The following RPA1 variants were observed in gnomAD, a reference collection of about 807,000 sequenced individuals.
RPA1 encodes replication protein A1.
Under a neutral mutation model 83.0 loss-of-function variants are expected in RPA1, and 49 were observed. The ratio of observed to expected loss-of-function variants is 0.59; its 90% CI spans 0.47 to 0.75. RPA1 has a LOEUF of 0.75. RPA1 is among the 30% of genes least tolerant of loss of function. The pLI, the probability that RPA1 is intolerant of heterozygous loss-of-function variation, is 0.00. For synonymous variants in RPA1, 279 were observed against 281.8 expected (o/e 0.99, Z 0.10); for missense variants, 693 against 776.1 (o/e 0.89, Z 1.27).
chr17:1,842,933 A>AT, intron 2 of RPA1, 80 bp downstream of exon 2: 3 of 1,476,752 alleles, frequency 2.0e-6, no homozygotes, highest in Non-Finnish European at 2.8e-6. Context: ...TGAAGGACAG[A>AT]CAGATTTGTC....
intron 16 of RPA1, among the ~76,000 whole-genome samples, chr17:1,895,976 G>A (rs1475373446): frequency 3.9e-5 from 6 of 151,950 alleles, no homozygotes; most frequent in South Asian, 2.1e-4. Flanking sequence ...GAGCCACCGC[G>A]CCCAGCTTAG....
chr17:1,871,227 A>AT (rs1913366662), intron 5 of RPA1, among the ~76,000 whole-genome samples: 3 of 152,138 alleles, frequency 2.0e-5, no homozygotes, highest in Non-Finnish European at 4.4e-5. Context: ...AGGTCTCTCA[A>AT]TTTTTCTCTC....
intron 5 of RPA1, among the ~76,000 whole-genome samples, chr17:1,857,263 TTTTC>T (rs1300531122): frequency 3.4e-5 from 4 of 119,140 alleles, no homozygotes; most frequent in African/African-American, 1.5e-4. Context: ...TTCTTTTTCT[TTTTC>T]TTTTTTTTTT....
At chr17:1,877,999 G>A (rs1477578074) in intron 8 of RPA1, among the ~76,000 whole-genome samples, 1 of 152,202 alleles carries the variant, frequency 6.6e-6, no homozygotes, top group East Asian at 1.9e-4. Flanking sequence ...GGGAGGCCAG[G>A]GTGCACAGAT....
At chr17:1,846,043 AC>A (rs1484990470) in intron 4 of RPA1, among the ~76,000 whole-genome samples, 2 of 152,200 alleles carry the variant, frequency 1.3e-5, no homozygotes, top group African/African-American at 4.8e-5. Flanking sequence ...TAGGACTCTT[AC>A]ATTTTCTCCA....
chr17:1,832,666 C>T lies in RPA1; in HGVS notation c.33+2540C>T, dbSNP rs551861393. 3.9e-5 allele frequency among the ~76,000 whole-genome samples: 6 copies of T among 152,082 alleles called. No homozygotes were observed. The East Asian group carries it at 1.2e-3, about 30-fold the overall frequency. ...CCTCCCAGAGTGCTGGGATTACAGG[C>T]GTGAGCCACCGCGCACGACCCCATT... is the stretch of plus-strand genomic sequence containing the variant. On this transcript the variant is annotated intron_variant, in intron 1 of 16. Transcript: ENST00000254719.
chr17:1,875,253 A>T (rs1249139353), intron 6 of RPA1, among the ~76,000 whole-genome samples: 1 of 152,196 alleles, frequency 6.6e-6, no homozygotes, highest in African/African-American at 2.4e-5. Flanking sequence ...GTCTTTCTTC[A>T]TGTGACTAGT....
chr17:1,896,436 A>G (rs1265422579), intron 16 of RPA1, among the ~76,000 whole-genome samples: 1 of 148,810 alleles, frequency 6.7e-6, no homozygotes, highest in Non-Finnish European at 1.5e-5. Context: ...TTACTCACGT[A>G]TTTACCTTAA....
At chr17:1,840,513 C>T (rs1319121083) in intron 1 of RPA1, among the ~76,000 whole-genome samples, 7 of 152,036 alleles carry the variant, frequency 4.6e-5, no homozygotes, top group Non-Finnish European at 1.0e-4. Flanking sequence ...GTCTCAATCT[C>T]CTGACCTCGT....
chr17:1,882,178 G>A (rs897391838), intron 12 of RPA1, among the ~76,000 whole-genome samples: 1 of 152,054 alleles, frequency 6.6e-6, no homozygotes, highest in Non-Finnish European at 1.5e-5. Flanking sequence ...CTGTGTTCCC[G>A]AGCCACTTTC....
At chr17:1,850,382 A>G (rs1445427691) in intron 4 of RPA1, among the ~76,000 whole-genome samples, 1 of 149,170 alleles carries the variant, frequency 6.7e-6, no homozygotes, top group Non-Finnish European at 1.5e-5. Context: ...CTGAAAATAC[A>G]AAAATTAGCC....
chr17:1,875,675 A>G lies in RPA1; in HGVS notation c.469A>G (p.Lys157Glu). Residue 157 changes from lysine to glutamate, a missense_variant, in exon 7 of 17, where the codon AAG (lysine) becomes GAG (glutamate). By Grantham distance (56) the Lys-to-Glu change is moderately conservative. Coordinates refer to ENST00000254719, the MANE Select transcript of RPA1 (RefSeq NM_002945.5). ...GSSGMGSTVS[K>E]AYGASKTFGK... is the part of the protein sequence containing the mutation. The stretch of plus-strand genomic sequence containing the variant: ...TGTTTTTAAAGGTTCTACTGTTTCT[A>G]AGGCTTATGGTGCTTCAAAGACATT... The G allele has an allele frequency of 1.9e-6, 3 of 1,613,576 alleles. No individual in the cohort carries two copies. Among genetic ancestry groups the G allele is most frequent in the Non-Finnish European group, 2.5e-6 (3 of 1,179,828 alleles).
chr17:1,896,965 C>A, intron 16 of RPA1, 106 bp from the exon 17 acceptor site: 1 of 870,154 alleles, frequency 1.1e-6, no homozygotes, highest in Non-Finnish European at 1.9e-6. Flanking sequence ...TGAACCCGTG[C>A]GTCTGTTCCC....
intron 1 of RPA1, among the ~76,000 whole-genome samples, chr17:1,840,546 A>G (rs548246010): frequency 9.2e-5 from 14 of 152,116 alleles, no homozygotes; most frequent in Middle Eastern, 3.4e-3. Context: ...TTGGCCTCCC[A>G]AAGTGCTAGG....
intron 1 of RPA1, among the ~76,000 whole-genome samples, chr17:1,840,541 C>T (rs1045523937): frequency 1.3e-5 from 2 of 152,042 alleles, no homozygotes; most frequent in Non-Finnish European, 2.9e-5. Context: ...CCACCTTGGC[C>T]TCCCAAAGTG....
At chr17:1,837,933 T>C (rs959663759) in intron 1 of RPA1, among the ~76,000 whole-genome samples, 1 of 152,218 alleles carries the variant, frequency 6.6e-6, no homozygotes, top group Non-Finnish European at 1.5e-5. Flanking sequence ...GTCCAAGTTA[T>C]CAGGTTGTGT....
intron 11 of RPA1, among the ~76,000 whole-genome samples, chr17:1,880,085 A>AG (rs1384890094): frequency 9.8e-6 from 1 of 101,800 alleles, no homozygotes; most frequent in East Asian, 3.0e-4. Context: ...TGGGGGAGGG[A>AG]GGGGTCTTGT....
intron 12 of RPA1, among the ~76,000 whole-genome samples, chr17:1,882,605 C>T (rs1201930080): frequency 1.3e-5 from 2 of 152,118 alleles, no homozygotes; most frequent in African/African-American, 4.8e-5. Context: ...GTGGAGGTTG[C>T]AGCGAGCCAA....
Position 1,847,796 on chromosome 17 carries a change from C to G in RPA1, c.272+3110C>G, listed in dbSNP as rs368939478. On this transcript the variant is annotated intron_variant, in intron 4 of 16. Coordinates refer to ENST00000254719, the MANE Select transcript of RPA1 (RefSeq NM_002945.5). ...AGCACTTTGAGAGGCTGAGGCGGGG[C>G]AGATCACAAGGACAGGAGATCGAAA... Among the ~76,000 whole-genome samples the G allele has an allele frequency of 5.9e-3, 891 of 151,738 alleles. 11 individuals are homozygous for G. The highest frequency in any genetic ancestry group is 0.021 in the African/African-American group (848 of 41,354).
Sources: gnomAD v4.1 joint callset for allele counts (sites outside exome capture counted in the v4.1 genomes callset) on GRCh38, gnomAD v4.1.1 for gene constraint, MANE v1.5 for transcripts, NCBI Gene and HGNC (gene_info 2026-07-23, HGNC 2026-07-21) for gene names.